Variants in RBBP4 observed in about 807,000 individuals in gnomAD.
RBBP4 encodes histone-binding protein RBBP4.
In RBBP4, 3 loss-of-function variants were observed where a neutral mutation model predicts 57.2. That is an observed-to-expected ratio of 0.05 (90% CI 0.02 to 0.14). The LOEUF is 0.14. Among genes scored for constraint, RBBP4 ranks in the 10% least tolerant of loss-of-function variants. The pLI is 1.00. For synonymous variants in RBBP4, 151 were observed against 171.5 expected, an observed-to-expected ratio of 0.88 and a Z score of 0.93; for missense variants, 107 against 520.6, an observed-to-expected ratio of 0.21 and a Z score of 7.73.
intron 8 of RBBP4, among the ~76,000 whole-genome samples, chr1:32,671,050 T>C (rs1648854682): frequency 6.6e-6 from 1 of 152,196 alleles, no homozygotes; most frequent in Non-Finnish European, 1.5e-5. Context: ...ACCTTAAGGC[T>C]AGGTAGCACT....
In RBBP4 at chr1:32,680,524, A is replaced by G; in HGVS notation, c.*819A>G. 1 of 1,465,000 alleles carries G rather than the reference A, an allele frequency of 6.8e-7. No individual in the cohort carries two copies. Among genetic ancestry groups the G allele is most frequent in the Non-Finnish European group, 9.2e-7 (1 of 1,091,934 alleles). 90.8% of individuals were successfully genotyped at this position (1,465,000 alleles called of 1,614,324 possible). A position where few individuals can be genotyped will look rare whatever the true frequency, so the allele number is the denominator to read the frequency against. Reference sequence around the variant, plus strand: ...TTGATAAGAGTTGCTTTTTTTTTTTAGGAGTTAGTCCTTGACCACTAGTTT... The same window carrying G: ...TTGATAAGAGTTGCTTTTTTTTTTTGGGAGTTAGTCCTTGACCACTAGTTT... On this transcript the variant is annotated 3_prime_UTR_variant, in exon 12 of 12. Transcript: ENST00000373493.
intron 3 of RBBP4, among the ~76,000 whole-genome samples, chr1:32,664,212 T>C (rs1229786828): frequency 1.3e-5 from 2 of 152,310 alleles, no homozygotes; most frequent in East Asian, 3.9e-4. Context: ...AACACTGATG[T>C]TAATAAGTTC....
chr1:32,672,424 G>A, intron 8 of RBBP4, 26 bp from the exon 9 acceptor site: 1 of 1,505,578 alleles, frequency 6.6e-7, no homozygotes, highest in Non-Finnish European at 9.1e-7. Context: ...TCATGGCTTT[G>A]CTCTTTTCTT....
intron 3 of RBBP4, among the ~76,000 whole-genome samples, chr1:32,665,963 T>C (rs555418295): frequency 6.6e-6 from 1 of 152,338 alleles, no homozygotes; most frequent in Admixed American, 6.5e-5. Context: ...ATTTACATAA[T>C]CACACATTAT....
intron 8 of RBBP4, 121 bp from the exon 9 acceptor site, chr1:32,672,329 A>C (rs774861746): frequency 1.3e-6 from 1 of 793,476 alleles, no homozygotes; most frequent in Non-Finnish European, 2.0e-6. Context: ...TAACGTGTAT[A>C]ATACCTTGAC....
rs142600334 is a variant in RBBP4 at position 32,670,489 on chromosome 1, T to C, written c.966+926T>C. On this transcript the variant is annotated intron_variant, in intron 8 of 11. Transcript: ENST00000373493. ...AAAAAAAGAAATAATCACTGCACTA[T>C]GTTCAAAGCTTGTTGCTACGGCACT... is the stretch of plus-strand genomic sequence containing the variant. Among the ~76,000 whole-genome samples the C allele has an allele frequency of 4.0e-3, 610 of 152,338 alleles. 5 individuals are homozygous for C. Among genetic ancestry groups the C allele is most frequent in the East Asian group, 0.034 (176 of 5,190 alleles).
intron 11 of RBBP4, among the ~76,000 whole-genome samples, chr1:32,676,487 G>A (rs1164120539): frequency 6.6e-6 from 1 of 151,972 alleles, no homozygotes. Context: ...ACGGGCGCCT[G>A]TAATCCCAGC....
chr1:32,677,478 A>AAAC (rs775479903), intron 11 of RBBP4, among the ~76,000 whole-genome samples: 4 of 140,394 alleles, frequency 2.8e-5, no homozygotes, highest in Admixed American at 1.4e-4. Flanking sequence ...TTTAAAAAAA[A>AAAC]AAACAAAACA....
chr1:32,678,271 G>A (rs910594248), intron 11 of RBBP4, among the ~76,000 whole-genome samples: 32 of 152,264 alleles, frequency 2.1e-4, no homozygotes, highest in African/African-American at 6.5e-4. Context: ...TTGCCCCCCA[G>A]GCTGGAGTGC....
intron 3 of RBBP4, among the ~76,000 whole-genome samples, chr1:32,667,393 A>G (rs1197176016): frequency 2.0e-5 from 3 of 152,220 alleles, no homozygotes; most frequent in Non-Finnish European, 2.9e-5. Context: ...CCCCTGTCCC[A>G]TGATCATGTG....
chr1:32,670,887 A>G (rs957430641), intron 8 of RBBP4, among the ~76,000 whole-genome samples: 10 of 152,212 alleles, frequency 6.6e-5, no homozygotes, highest in African/African-American at 1.9e-4. Context: ...CCATACTCCT[A>G]CATACTTAGT....
At chr1:32,661,580 A>G (rs538501030) in intron 3 of RBBP4, among the ~76,000 whole-genome samples, 1 of 151,826 alleles carries the variant, frequency 6.6e-6, no homozygotes, top group East Asian at 1.9e-4. Flanking sequence ...AGGCGTGACC[A>G]CCATGCCTGG....
At chr1:32,656,993 T>C (rs1270780355) in intron 2 of RBBP4, among the ~76,000 whole-genome samples, 1 of 152,150 alleles carries the variant, frequency 6.6e-6, no homozygotes, top group Non-Finnish European at 1.5e-5. Flanking sequence ...ATATGGCTCT[T>C]GGCCAGGCAC....
Position 32,669,525 on chromosome 1 carries a change from T to C in RBBP4, c.928T>C (p.Leu310=), listed in dbSNP as rs1648782280. Residue 310 remains leucine, a synonymous_variant, in exon 8 of 12, where the codon TTG becomes CTG. Transcript: ENST00000373493. This position sits in a 1 kb window ranked among gnomAD's most constrained non-coding sequence, Gnocchi z 4.9. Reference sequence around the variant, plus strand: ...GGATCTGAGAAATCTGAAACTTAAGTTGCATTCCTTTGAGTCACATAAGGA... The same window carrying C: ...GGATCTGAGAAATCTGAAACTTAAGCTGCATTCCTTTGAGTCACATAAGGA... ...LWDLRNLKLK[L]HSFESHKDEI... The C allele has an allele frequency of 2.5e-6, 4 of 1,608,938 alleles. No individual in the cohort carries two copies. Among genetic ancestry groups the C allele is most frequent in the Non-Finnish European group, 2.5e-6 (3 of 1,178,902 alleles).
intron 1 of RBBP4, 62 bp downstream of exon 1, chr1:32,651,384 C>T: frequency 7.1e-7 from 1 of 1,402,696 alleles, no homozygotes; most frequent in Non-Finnish European, 9.3e-7. Flanking sequence ...GCGGCCTCGA[C>T]ATGGCCTAAC....
intron 2 of RBBP4, among the ~76,000 whole-genome samples, chr1:32,655,268 T>A (rs1330518923): frequency 6.6e-6 from 1 of 152,144 alleles, no homozygotes. Flanking sequence ...TGAGCCACCG[T>A]GCCTGGCCCT....
At position 32,679,549 on chromosome 1, in the gene RBBP4, ACT is replaced by A. The variant is rs1000521395; in HGVS notation, c.1213-86_1213-85del. On this transcript the variant is annotated intron_variant, in intron 11 of 11. Coordinates refer to ENST00000373493, the MANE Select transcript of RBBP4 (RefSeq NM_005610.3). The stretch of plus-strand genomic sequence containing the variant: ...GTGGCCCAAAAGCTATAAAGTATTT[ACT>A]CTCTGGCTTCCTGGCCTAATCTGTT... 41 of 1,177,654 alleles carry A rather than the reference ACT, an allele frequency of 3.5e-5. No homozygotes were observed. In the Admixed American group the frequency reaches 1.1e-3, roughly 31 times the overall value. 73.0% of individuals were successfully genotyped at this position (1,177,654 alleles called of 1,614,324 possible).
intron 8 of RBBP4, among the ~76,000 whole-genome samples, 173 bp from the exon 9 acceptor site, chr1:32,672,277 G>A (rs1055149701): frequency 1.3e-5 from 2 of 152,026 alleles, no homozygotes; most frequent in Non-Finnish European, 2.9e-5. Context: ...AGCCAACCGC[G>A]CCTGCCCATA....
chr1:32,676,829 G>T (rs34621149), intron 11 of RBBP4, among the ~76,000 whole-genome samples: 11,835 of 152,018 alleles, frequency 0.078, 480 homozygotes, highest in Middle Eastern at 0.2. Flanking sequence ...TGTAGTCCCA[G>T]TTCCTTGGGA....
Sources: allele counts gnomAD v4.1 joint callset (sites outside exome capture counted in the v4.1 genomes callset), GRCh38; gene constraint gnomAD v4.1.1; non-coding constraint Gnocchi (gnomAD v3.1); transcripts MANE v1.5; gene names NCBI Gene and HGNC (gene_info 2026-07-23, HGNC 2026-07-21).